CDH13: variants seen among roughly 807,000 people sequenced by gnomAD.
CDH13 encodes the protein cadherin-13.
In CDH13, 24 loss-of-function variants were observed where a neutral mutation model predicts 63.8. That is an observed-to-expected ratio of 0.38 (90% CI 0.27 to 0.53). The LOEUF is 0.53. Ranked by LOEUF, CDH13 falls within the 20% of genes least tolerant of loss-of-function variation. CDH13 has a pLI of 0.85. For synonymous variants in CDH13, 503 were observed against 355.3 expected (o/e 1.42, Z -4.67); for missense variants, 1,049 against 903.1 (o/e 1.16, Z -2.07).
At chr16:83,227,806 G>A (rs1054753540) in intron 5 of CDH13, among the ~76,000 whole-genome samples, 1 of 152,120 alleles carries the variant, frequency 6.6e-6, no homozygotes, top group Non-Finnish European at 1.5e-5. Context: ...CATCAGAAAG[G>A]GATTCAGCTC....
chr16:82,940,070 T>C (rs576076522), intron 2 of CDH13, among the ~76,000 whole-genome samples: 3 of 152,144 alleles, frequency 2.0e-5, no homozygotes, highest in Non-Finnish European at 4.4e-5. Context: ...TTCACTACCA[T>C]GAGAACAGTA....
chr16:82,847,426 C>T (rs2039308118), intron 1 of CDH13, among the ~76,000 whole-genome samples: 1 of 152,128 alleles, frequency 6.6e-6, no homozygotes, highest in Middle Eastern at 3.2e-3. Context: ...GACTCCTGGC[C>T]CCTTCCTCCA....
At chr16:83,131,199 C>CTG (rs1567860069) in intron 4 of CDH13, among the ~76,000 whole-genome samples, 14 of 104,344 alleles carry the variant, frequency 1.3e-4, no homozygotes, top group Non-Finnish European at 2.7e-4. Flanking sequence ...CCCCCCCCCC[C>CTG]CCGCCCACAG....
rs185951295 is a variant in CDH13, at chr16:83,258,277, C to G, written c.636+40780C>G. Reference sequence around the variant, plus strand: ...CCACCAATATTTTCAGGCAAATGTGCCAATAAAAGGTATATTCTATGTGAA... The same window carrying G: ...CCACCAATATTTTCAGGCAAATGTGGCAATAAAAGGTATATTCTATGTGAA... On this transcript the variant is annotated intron_variant, in intron 5 of 13. Coordinates refer to ENST00000567109, the MANE Select transcript of CDH13 (RefSeq NM_001257.5). Among the ~76,000 whole-genome samples the G allele has an allele frequency of 2.7e-3, 417 of 152,214 alleles. 1 individual carries two copies. Among genetic ancestry groups the G allele is most frequent in the African/African-American group, 9.7e-3 (403 of 41,540 alleles).
Position 83,781,954 on chromosome 16 carries a change from A to AAGATTGT in CDH13, c.1916-1298_1916-1292dup, listed in dbSNP as rs751568558. 8.1e-4 allele frequency among the ~76,000 whole-genome samples: 123 copies of AAGATTGT among 152,208 alleles called. 1 individual carries two copies. Among genetic ancestry groups the AAGATTGT allele is most frequent in the Middle Eastern group, 6.8e-3 (2 of 294 alleles). On this transcript the variant is annotated intron_variant, in intron 12 of 13. Coordinates refer to ENST00000567109, the MANE Select transcript of CDH13 (RefSeq NM_001257.5). ...TAAAAAAAAAAAGAAGAAAAAAAAA[A>AAGATTGT]AGATTGTATCCTCTACTAAAGGAAG...
At chr16:83,248,870 A>G (rs368995009) in intron 5 of CDH13, among the ~76,000 whole-genome samples, 3 of 152,188 alleles carry the variant, frequency 2.0e-5, no homozygotes, top group East Asian at 3.9e-4. Flanking sequence ...CACTTGAATC[A>G]TCCTCAAATG....
chr16:83,480,497 C>T (rs1168328075), intron 6 of CDH13, among the ~76,000 whole-genome samples: 3 of 152,168 alleles, frequency 2.0e-5, no homozygotes, highest in African/African-American at 7.2e-5. Flanking sequence ...GGCTCATGTC[C>T]ACCTGCTTGG....
At chr16:83,091,358 C>A (rs4782745) in intron 3 of CDH13, among the ~76,000 whole-genome samples, 78,601 of 151,792 alleles carry the variant, frequency 0.52, 20,639 homozygotes, top group Middle Eastern at 0.61. Flanking sequence ...TAGTAGGAGG[C>A]ATATTTTTCC....
intron 2 of CDH13, among the ~76,000 whole-genome samples, chr16:82,920,428 C>T (rs2042118594): frequency 6.6e-6 from 1 of 152,164 alleles, no homozygotes; most frequent in Non-Finnish European, 1.5e-5. Context: ...GTCCTGTGCT[C>T]GTCCATGAAT....
chr16:83,560,968 A>T (rs987826927), intron 7 of CDH13, among the ~76,000 whole-genome samples: 1 of 152,166 alleles, frequency 6.6e-6, no homozygotes, highest in African/African-American at 2.4e-5. Context: ...TGTCTAGCAA[A>T]TTAGAACAAG....
intron 5 of CDH13, among the ~76,000 whole-genome samples, chr16:83,240,715 A>ATTTTT (rs761301050): frequency 2.0e-5 from 1 of 49,524 alleles, no homozygotes; most frequent in African/African-American, 5.5e-5. Context: ...TACTGTCTTA[A>ATTTTT]TCTTTTTTTT....
At chr16:82,842,113 TATATATATATA>T (rs2039042000) in intron 1 of CDH13, among the ~76,000 whole-genome samples, 1 of 39,442 alleles carries the variant, frequency 2.5e-5, no homozygotes, top group Non-Finnish European at 5.6e-5. Flanking sequence ...TATATATATG[TATATATATATA>T]TATATATATA....
At chr16:83,208,825 A>G (rs867925054) in intron 4 of CDH13, among the ~76,000 whole-genome samples, 2 of 152,180 alleles carry the variant, frequency 1.3e-5, no homozygotes, top group Non-Finnish European at 2.9e-5. Flanking sequence ...AGGCGCATCA[A>G]TCTGGTTGGA....
At chr16:82,693,828 G>A (rs2029928995) in intron 1 of CDH13, among the ~76,000 whole-genome samples, 1 of 152,158 alleles carries the variant, frequency 6.6e-6, no homozygotes, top group Non-Finnish European at 1.5e-5. Flanking sequence ...GAGTCATGAG[G>A]TCCCCATTAA....
At chr16:82,704,903 G>C (rs1175626497) in intron 1 of CDH13, among the ~76,000 whole-genome samples, 1 of 152,152 alleles carries the variant, frequency 6.6e-6, no homozygotes. Flanking sequence ...AACATAATCA[G>C]TATTTGTTAA....
chr16:83,337,760 C>T (rs1024866791), intron 5 of CDH13, among the ~76,000 whole-genome samples: 29 of 149,374 alleles, frequency 1.9e-4, no homozygotes, highest in Non-Finnish European at 1.3e-4. Context: ...AATATACAGA[C>T]GCTCATTGTG....
intron 7 of CDH13, among the ~76,000 whole-genome samples, chr16:83,581,610 G>C (rs1053991440): frequency 3.9e-5 from 6 of 152,126 alleles, no homozygotes; most frequent in African/African-American, 1.4e-4. Flanking sequence ...TTGAGTCCAC[G>C]AGTTTGAGAC....
At chr16:82,697,611 G>A (rs2150985775) in intron 1 of CDH13, among the ~76,000 whole-genome samples, 2 of 151,576 alleles carry the variant, frequency 1.3e-5, no homozygotes, top group East Asian at 3.9e-4. Flanking sequence ...TGTGTTTTTA[G>A]TAGAGACGGG....
intron 6 of CDH13, among the ~76,000 whole-genome samples, chr16:83,450,512 T>A (rs1174307172): frequency 6.6e-6 from 1 of 152,188 alleles, no homozygotes; most frequent in African/African-American, 2.4e-5. Flanking sequence ...GCATGCCAAA[T>A]ACAGCTGTAT....
Sources: allele counts gnomAD v4.1 joint callset (sites outside exome capture counted in the v4.1 genomes callset), GRCh38; gene constraint gnomAD v4.1.1; transcripts MANE v1.5; gene names NCBI Gene and HGNC (gene_info 2026-07-23, HGNC 2026-07-21).